The following MROH9 variants were observed in gnomAD, a reference collection of about 807,000 sequenced individuals.
MROH9 encodes the protein maestro heat-like repeat-containing protein family member 9.
A neutral mutation model predicts 98.2 loss-of-function variants in MROH9; 92 were observed. The ratio of observed to expected loss-of-function variants is 0.94; its 90% CI spans 0.79 to 1.11. The LOEUF (loss-of-function observed/expected upper bound fraction) is 1.11, where lower values mean the gene tolerates loss of function less well. Among genes scored for constraint, MROH9 ranks in the 50% most tolerant of loss-of-function variants. MROH9 has a pLI of 0.00. For missense variants in MROH9, 1,057 were observed against 1,014.8 expected (o/e 1.04, Z -0.57); for synonymous variants, 397 against 368.9 (o/e 1.08, Z -0.87).
chr1:170,970,363 G>A (rs1480862637), intron 7 of MROH9, among the ~76,000 whole-genome samples: 1 of 151,456 alleles, frequency 6.6e-6, no homozygotes, highest in Non-Finnish European at 1.5e-5. Flanking sequence ...ACACAATGAT[G>A]GTTTTAAGAT....
At position 171,064,278 on chromosome 1, in the gene MROH9, C is replaced by T. The variant is rs777723336; in HGVS notation, c.2524C>T (p.Pro842Ser). 1.1e-5 allele frequency: 17 copies of T among 1,551,092 alleles called. No homozygotes were observed. The highest frequency in any genetic ancestry group is 6.8e-5 in the African/African-American group (5 of 73,008). ...GAAGCCTCTTTACAATTATAACTCA[C>T]CCAATGGCCAGATAGACAGTCCTAC... ...KLKPLYNYNS[P>S]NGQIDSPTDS... is the part of the protein sequence containing the mutation. Residue 842 changes from proline (P) to serine (S), a missense_variant, in exon 22 of 22, where the codon CCC (proline) becomes TCC (serine). By Grantham distance (74) the Pro-to-Ser change is moderately conservative. Coordinates refer to ENST00000367759, the MANE Select transcript of MROH9 (RefSeq NM_001163629.2).
chr1:170,965,117 C>A, intron 6 of MROH9, 34 bp from the exon 7 acceptor site: 1 of 1,488,326 alleles, frequency 6.7e-7, no homozygotes, highest in Non-Finnish European at 9.2e-7. Context: ...ATGGAAATTT[C>A]ATGGTTCTAG....
intron 20 of MROH9, among the ~76,000 whole-genome samples, chr1:171,027,534 T>C (rs981763326): frequency 2.0e-5 from 3 of 152,148 alleles, no homozygotes; most frequent in Admixed American, 6.6e-5. Context: ...CTTGTCTTTA[T>C]AGTAAAATGA....
chr1:171,036,503 T>A (rs1653103079), intron 20 of MROH9, among the ~76,000 whole-genome samples: 1 of 152,054 alleles, frequency 6.6e-6, no homozygotes, highest in Non-Finnish European at 1.5e-5. Context: ...TAAGCTAAAG[T>A]TGAGCATAAT....
chr1:171,047,018 A>C (rs1653491012), intron 20 of MROH9, among the ~76,000 whole-genome samples: 1 of 152,182 alleles, frequency 6.6e-6, no homozygotes, highest in Non-Finnish European at 1.5e-5. Flanking sequence ...GGTTCCACTA[A>C]AAGTCTGCTG....
intron 8 of MROH9, among the ~76,000 whole-genome samples, chr1:170,975,473 TGGATATATTCA>T (rs1419321686): frequency 2.0e-5 from 3 of 152,174 alleles, no homozygotes; most frequent in African/African-American, 7.2e-5. Flanking sequence ...ATTTGTTGCA[TGGATATATTCA>T]GTAGTAAGCA....
chr1:171,046,766 C>G (rs1276423318), intron 20 of MROH9, among the ~76,000 whole-genome samples: 1 of 152,056 alleles, frequency 6.6e-6, no homozygotes, highest in East Asian at 1.9e-4. Flanking sequence ...GAGTTTTGTG[C>G]CTTCAGGTGA....
At chr1:171,000,047 T>C (rs1651736231) in intron 15 of MROH9, among the ~76,000 whole-genome samples, 1 of 152,056 alleles carries the variant, frequency 6.6e-6, no homozygotes, top group Non-Finnish European at 1.5e-5. Context: ...TTTTTCTTAC[T>C]GATTTGTTTG....
Position 171,016,230 on chromosome 1 carries a change from TA to T in MROH9, c.1803del (p.Leu602PhefsTer11), listed in dbSNP as rs760836534. 3.2e-6 allele frequency: 5 copies of T among 1,541,298 alleles called. No homozygotes were observed. The Admixed American group carries it at 8.1e-5, about 25-fold the overall frequency. Reference sequence around the variant, plus strand: ...TTCCTTTCCAAAGACGATAATGTTGTACTTCAGGCCTTGCTCACCCTTAGAA... The same window carrying T: ...TTCCTTTCCAAAGACGATAATGTTGTCTTCAGGCCTTGCTCACCCTTAGAA... Reference protein sequence around the residue: ...DAFLSKDDNVVLQALLTLRRL... With the variant: ...DAFLSKDDNVXLQALLTLRRL... On this transcript the variant is annotated frameshift_variant, in exon 17 of 22. Coordinates refer to ENST00000367759, the MANE Select transcript of MROH9 (RefSeq NM_001163629.2). LOFTEE classifies it high-confidence loss of function.
chr1:170,952,874 C>T (rs1476649070), intron 3 of MROH9, among the ~76,000 whole-genome samples: 1 of 151,890 alleles, frequency 6.6e-6, no homozygotes. Context: ...TAGGCAATGC[C>T]AACACATCAA....
At chr1:170,997,738 G>A (rs1651635908) in intron 14 of MROH9, among the ~76,000 whole-genome samples, 1 of 152,242 alleles carries the variant, frequency 6.6e-6, no homozygotes, top group East Asian at 1.9e-4. Context: ...GGCTAATCCA[G>A]GGCGGTCCCA....
At chr1:170,944,422 T>A (rs1167190384) in intron 1 of MROH9, among the ~76,000 whole-genome samples, 1 of 151,924 alleles carries the variant, frequency 6.6e-6, no homozygotes, top group Non-Finnish European at 1.5e-5. Flanking sequence ...CAAAATATAG[T>A]GATAAAATCT....
intron 1 of MROH9, among the ~76,000 whole-genome samples, chr1:170,943,039 G>A (rs528897851): frequency 4.6e-5 from 7 of 151,996 alleles, no homozygotes; most frequent in East Asian, 3.9e-4. Flanking sequence ...TATTTGATTC[G>A]GAAGTAGCCC....
chr1:171,029,714 T>C (rs1652843890), intron 20 of MROH9, among the ~76,000 whole-genome samples: 1 of 152,230 alleles, frequency 6.6e-6, no homozygotes. Flanking sequence ...TTATTGAGGA[T>C]TTTTGCATCG....
intron 8 of MROH9, among the ~76,000 whole-genome samples, chr1:170,975,692 CAAT>C (rs147736288): frequency 0.019 from 2,913 of 152,022 alleles, 91 homozygotes; most frequent in African/African-American, 0.067. Context: ...TTTTTTGCCT[CAAT>C]GATCTAATAC....
chr1:171,024,428 C>G lies in MROH9; in HGVS notation c.1942C>G (p.His648Asp). ...NGGIRSMAIR[H>D]FGQLVRDMRQ... ...AGGCATTCGAAGTATGGCAATTCGA[C>G]ACTTTGGTCAATTAGTTAGGGATAT... The change falls in exon 18 of 22, where the codon CAC becomes GAC. Residue 648 changes from histidine (H) to aspartate (D), a missense_variant. Coordinates refer to ENST00000367759, the MANE Select transcript of MROH9 (RefSeq NM_001163629.2). 6.4e-7 allele frequency: 1 copy of G among 1,551,286 alleles called. No individual in the cohort carries two copies. Among genetic ancestry groups the G allele is most frequent in the Non-Finnish European group, 8.7e-7 (1 of 1,146,846 alleles).
intron 12 of MROH9, among the ~76,000 whole-genome samples, chr1:170,994,115 T>C (rs1440133200): frequency 6.6e-6 from 1 of 152,178 alleles, no homozygotes; most frequent in Non-Finnish European, 1.5e-5. Context: ...CCTCAATAAA[T>C]GAAGTGATGC....
rs904728930 is a variant in MROH9, at chr1:171,014,264, T to A, written c.1734+10T>A. On this transcript the variant is annotated intron_variant, in intron 16 of 21. Transcript: ENST00000367759. Reference sequence around the variant, plus strand: ...ACCAATTATCAATAAGGTATGTGTATGTGATTTGTGTCTGCAAGCATCATC... The same window carrying A: ...ACCAATTATCAATAAGGTATGTGTAAGTGATTTGTGTCTGCAAGCATCATC... 21 of 1,543,444 alleles carry A rather than the reference T, an allele frequency of 1.4e-5. No homozygotes were observed. The highest frequency in any genetic ancestry group is 2.7e-5 in the African/African-American group (2 of 72,862).
At chr1:170,978,094 C>T (rs939070303) in intron 8 of MROH9, among the ~76,000 whole-genome samples, 4 of 152,016 alleles carry the variant, frequency 2.6e-5, no homozygotes, top group Non-Finnish European at 5.9e-5. Context: ...TTTCATTTGC[C>T]CCCTTGAGCT....
Sources: allele counts gnomAD v4.1 joint callset (sites outside exome capture counted in the v4.1 genomes callset), GRCh38; gene constraint gnomAD v4.1.1; transcripts MANE v1.5; gene names NCBI Gene and HGNC (gene_info 2026-07-23, HGNC 2026-07-21).